Variants in DENND1B observed in about 807,000 individuals in gnomAD.
DENND1B encodes DENN domain containing 1B.
A neutral mutation model predicts 90.1 loss-of-function variants in DENND1B; 59 were observed. That is an observed-to-expected ratio of 0.65 (90% CI 0.53 to 0.81). The LOEUF is 0.81. DENND1B is among the 40% of genes least tolerant of loss of function. The probability of loss-of-function intolerance (pLI) is 0.00; values close to 1 mark genes in which losing one functional copy is unlikely to be tolerated. For synonymous variants in DENND1B, 337 were observed against 324.6 expected, an observed-to-expected ratio of 1.04 and a Z score of -0.41; for missense variants, 862 against 912.6, an observed-to-expected ratio of 0.94 and a Z score of 0.71.
chr1:197,741,099 G>A (rs1350238154), intron 2 of DENND1B, among the ~76,000 whole-genome samples: 1 of 152,002 alleles, frequency 6.6e-6, no homozygotes, highest in African/African-American at 2.4e-5. Flanking sequence ...ATTTCTCTAG[G>A]CTACAAAGAG....
upstream of DENND1B, among the ~76,000 whole-genome samples, chr1:197,779,857 T>C (rs1244952239): frequency 6.6e-6 from 1 of 152,048 alleles, no homozygotes; most frequent in Non-Finnish European, 1.5e-5. Context: ...TAACTGATCT[T>C]TTTTCTACTT....
intron 14 of DENND1B, among the ~76,000 whole-genome samples, chr1:197,590,945 G>A (rs978734457): frequency 6.6e-6 from 1 of 152,124 alleles, no homozygotes; most frequent in Non-Finnish European, 1.5e-5. Context: ...ACAACACTAA[G>A]CACTGCATTC....
At chr1:197,703,248 A>G (rs1310688017) in intron 3 of DENND1B, among the ~76,000 whole-genome samples, 1 of 151,518 alleles carries the variant, frequency 6.6e-6, no homozygotes, top group East Asian at 2.0e-4. Context: ...AGGCCTCCAA[A>G]GTGCTGGGAT....
chr1:197,723,471 G>GA (rs1661366362), intron 2 of DENND1B, among the ~76,000 whole-genome samples: 1 of 152,114 alleles, frequency 6.6e-6, no homozygotes, highest in Non-Finnish European at 1.5e-5. Flanking sequence ...AGAAGGGAAA[G>GA]AAATGCTGTA....
chr1:197,670,737 G>C (rs1655421213), intron 5 of DENND1B, among the ~76,000 whole-genome samples: 1 of 151,842 alleles, frequency 6.6e-6, no homozygotes, highest in South Asian at 2.1e-4. Flanking sequence ...CCTTTAAACT[G>C]TAGCTTTTAA....
chr1:197,642,756 C>T lies in DENND1B; in HGVS notation c.627G>A (p.Met209Ile). Residue 209 changes from methionine (M) to isoleucine (I), a missense_variant, in exon 10 of 23, where the codon ATG becomes ATA. Coordinates refer to ENST00000620048, the MANE Select transcript of DENND1B (RefSeq NM_001195215.2). ...TAATCACGATGCGCCTTTCATGCAG[C>T]ATACTGGCATACAGCTGCAGCATGT... is the stretch of plus-strand genomic sequence containing the variant. The part of the protein sequence containing the change: ...VNNMLQLYAS[M>I]LHERRIVIIS... 6.2e-7 allele frequency: 1 copy of T among 1,613,670 alleles called. No individual in the cohort carries two copies. The highest frequency in any genetic ancestry group is 8.5e-7 in the Non-Finnish European group (1 of 1,179,802).
chr1:197,675,362 CATT>C (rs1365061562), intron 3 of DENND1B, among the ~76,000 whole-genome samples: 1 of 151,892 alleles, frequency 6.6e-6, no homozygotes, highest in Non-Finnish European at 1.5e-5. Context: ...AAAAATAAAA[CATT>C]ATAAAATTCC....
intron 2 of DENND1B, among the ~76,000 whole-genome samples, chr1:197,720,143 C>T (rs192896701): frequency 6.6e-6 from 1 of 152,098 alleles, no homozygotes; most frequent in Non-Finnish European, 1.5e-5. Context: ...TTGACGTGTG[C>T]TATTTTTGAA....
intron 5 of DENND1B, among the ~76,000 whole-genome samples, chr1:197,670,063 T>C (rs535077925): frequency 6.6e-5 from 10 of 152,122 alleles, no homozygotes; most frequent in African/African-American, 1.7e-4. Flanking sequence ...TTAATGACAA[T>C]TGGGTTGTCG....
intron 20 of DENND1B, among the ~76,000 whole-genome samples, chr1:197,519,293 A>G (rs916611929): frequency 2.6e-5 from 4 of 151,928 alleles, no homozygotes; most frequent in Non-Finnish European, 5.9e-5. Context: ...GAATAAATGA[A>G]TATCTTTATA....
Position 197,513,931 on chromosome 1 carries a change from T to C in DENND1B, c.1516-978A>G, listed in dbSNP as rs560906676. Among the ~76,000 whole-genome samples, 226 of 151,808 alleles carry C rather than the reference T, an allele frequency of 1.5e-3. 4 individuals carry two copies. The South Asian group carries it at 0.022, about 15-fold the overall frequency. ...GCTTACCCTCAGTTTCTTTTTCATC[T>C]TCCTTTGATTTTGGCAAGAATATTA... On this transcript the variant is annotated intron_variant, in intron 20 of 22. Coordinates refer to ENST00000620048, the MANE Select transcript of DENND1B (RefSeq NM_001195215.2).
intron 5 of DENND1B, among the ~76,000 whole-genome samples, chr1:197,664,851 A>G (rs1017258578): frequency 6.6e-6 from 1 of 152,032 alleles, no homozygotes; most frequent in Non-Finnish European, 1.5e-5. Context: ...GAATGAGTTA[A>G]AGGGGGGAGG....
Position 197,593,205 on chromosome 1 carries a change from G to C in DENND1B, c.1047+2003C>G, listed in dbSNP as rs116287422. Among the ~76,000 whole-genome samples, 898 of 151,634 alleles carry C rather than the reference G, an allele frequency of 5.9e-3. 13 individuals are homozygous for C. Among genetic ancestry groups the C allele is most frequent in the African/African-American group, 0.02 (840 of 41,466 alleles). ...AAAAAGCATAGTTTATGCACAAAAA[G>C]AAATAAATCATTTTCCCTAAAAACT... On this transcript the variant is annotated intron_variant, in intron 14 of 22. Transcript: ENST00000620048.
chr1:197,732,245 A>T (rs1358322260), intron 2 of DENND1B, among the ~76,000 whole-genome samples: 1 of 152,178 alleles, frequency 6.6e-6, no homozygotes, highest in African/African-American at 2.4e-5. Flanking sequence ...ACTAATTATT[A>T]GTTCAAAACT....
intron 2 of DENND1B, among the ~76,000 whole-genome samples, chr1:197,717,519 C>T (rs1318166254): frequency 6.6e-6 from 1 of 151,740 alleles, no homozygotes; most frequent in Non-Finnish European, 1.5e-5. Flanking sequence ...AGGAAGAATA[C>T]TTGATTTTGA....
intron 3 of DENND1B, among the ~76,000 whole-genome samples, chr1:197,699,686 C>A (rs566556122): frequency 1.3e-5 from 2 of 152,236 alleles, no homozygotes; most frequent in Non-Finnish European, 2.9e-5. Flanking sequence ...CTAAAAACTC[C>A]TTAAACTGAT....
chr1:197,683,594 A>G (rs1656915493), intron 3 of DENND1B, among the ~76,000 whole-genome samples: 1 of 152,036 alleles, frequency 6.6e-6, no homozygotes, highest in Non-Finnish European at 1.5e-5. Flanking sequence ...CTGGTCTGGG[A>G]CTCGCACTGA....
intron 16 of DENND1B, chr1:197,552,523 T>C: frequency 1.0e-6 from 1 of 985,656 alleles, no homozygotes; most frequent in African/African-American, 1.7e-5. Context: ...ACTTTCTTAA[T>C]GCTGCAGTGA....
intron 5 of DENND1B, among the ~76,000 whole-genome samples, chr1:197,664,421 A>G (rs893148452): frequency 5.3e-5 from 8 of 152,142 alleles, no homozygotes; most frequent in African/African-American, 1.7e-4. Flanking sequence ...AACAAAGTAC[A>G]GGAGATTAGT....
Sources: gnomAD v4.1 joint callset for allele counts (sites outside exome capture counted in the v4.1 genomes callset) on GRCh38, gnomAD v4.1.1 for gene constraint, MANE v1.5 for transcripts, NCBI Gene and HGNC (gene_info 2026-07-23, HGNC 2026-07-21) for gene names.